Variants in GOSR1 observed in about 807,000 individuals in gnomAD.
GOSR1 encodes 28 kDa Golgi SNARE protein.
A neutral mutation model predicts 35.5 loss-of-function variants in GOSR1; 21 were observed. The ratio of observed to expected loss-of-function variants is 0.59; its 90% CI spans 0.42 to 0.85. The LOEUF is 0.85. Ranked by LOEUF, GOSR1 falls within the 40% of genes least tolerant of loss-of-function variation. The probability of loss-of-function intolerance (pLI) is 0.00; values close to 1 mark genes in which losing one functional copy is unlikely to be tolerated. For missense variants in GOSR1, 285 were observed against 309.6 expected (o/e 0.92, Z 0.60); for synonymous variants, 94 against 106.6 (o/e 0.88, Z 0.73).
intron 1 of GOSR1, chr17:30,478,631 A>G (rs1304859380): frequency 2.1e-5 from 3 of 142,256 alleles, no homozygotes; most frequent in African/African-American, 7.9e-5. Flanking sequence ...ATCTCGGCTC[A>G]CTGCAGCCTC....
chr17:30,514,089 G>A (rs1967712307), intron 7 of GOSR1, among the ~76,000 whole-genome samples: 1 of 152,188 alleles, frequency 6.6e-6, no homozygotes, highest in Non-Finnish European at 1.5e-5. Context: ...ATCACATTTT[G>A]TCATAATCTC....
chr17:30,492,522 C>A (rs79447635), intron 5 of GOSR1, among the ~76,000 whole-genome samples, 157 bp from the exon 6 acceptor site: 1 of 152,202 alleles, frequency 6.6e-6, no homozygotes, highest in Non-Finnish European at 1.5e-5. Flanking sequence ...AAATAGATAA[C>A]ATTTTTCAGA....
chr17:30,477,528 C>G (rs558912657), intron 1 of GOSR1, 64 bp downstream of exon 1: 3 of 1,556,780 alleles, frequency 1.9e-6, no homozygotes, highest in African/African-American at 1.4e-5. Flanking sequence ...GAGGACAGAT[C>G]TTGGGAGAAG....
chr17:30,482,313 T>G (rs578204489), intron 2 of GOSR1, among the ~76,000 whole-genome samples: 143 of 152,296 alleles, frequency 9.4e-4, no homozygotes, highest in African/African-American at 3.3e-3. Flanking sequence ...TTTATGACTA[T>G]CACAGTTTAA....
intron 1 of GOSR1, chr17:30,480,722 C>CTTTTTTTTTG (rs71138892): frequency 7.2e-6 from 1 of 139,756 alleles, no homozygotes; most frequent in Non-Finnish European, 1.5e-5. Flanking sequence ...TTTTATTTTC[C>CTTTTTTTTTG]TTTTTTTGAG....
chr17:30,507,886 T>G (rs1284104431), intron 6 of GOSR1, among the ~76,000 whole-genome samples: 1 of 152,224 alleles, frequency 6.6e-6, no homozygotes, highest in Non-Finnish European at 1.5e-5. Flanking sequence ...GAAGACGCTG[T>G]AAACATTGTT....
intron 4 of GOSR1, among the ~76,000 whole-genome samples, chr17:30,488,289 C>T (rs1914805346): frequency 6.6e-6 from 1 of 150,426 alleles, no homozygotes; most frequent in African/African-American, 2.4e-5. Context: ...CTCAGCCTCC[C>T]GAGTAGCTGG....
chr17:30,515,479 A>G (rs939433264), intron 7 of GOSR1, among the ~76,000 whole-genome samples: 17 of 152,118 alleles, frequency 1.1e-4, no homozygotes, highest in African/African-American at 4.1e-4. Context: ...CCAGACCTCT[A>G]TGTCTCTTCT....
intron 6 of GOSR1, among the ~76,000 whole-genome samples, chr17:30,498,198 C>T (rs1419550835): frequency 6.7e-6 from 1 of 150,090 alleles, no homozygotes; most frequent in Non-Finnish European, 1.5e-5. Flanking sequence ...AGTTGCATTC[C>T]ACCTGTTTCT....
At chr17:30,509,770 C>G (rs1019610100) in intron 6 of GOSR1, among the ~76,000 whole-genome samples, 2 of 151,984 alleles carry the variant, frequency 1.3e-5, no homozygotes, top group African/African-American at 2.4e-5. Context: ...TCTTAAGATT[C>G]TTGAATTCTA....
chr17:30,505,112 G>A (rs1967352564), intron 6 of GOSR1, among the ~76,000 whole-genome samples: 1 of 152,142 alleles, frequency 6.6e-6, no homozygotes, highest in African/African-American at 2.4e-5. Flanking sequence ...ACCACTTAAG[G>A]TATGTAGCTT....
intron 7 of GOSR1, among the ~76,000 whole-genome samples, chr17:30,511,267 G>A (rs1445739413): frequency 6.6e-6 from 1 of 152,196 alleles, no homozygotes; most frequent in South Asian, 2.1e-4. Flanking sequence ...AGACTTTGCT[G>A]TTATAGCACC....
intron 5 of GOSR1, 62 bp downstream of exon 5, chr17:30,490,279 C>CACGGTTAATTGCAAATTGAGTGGCAGA (rs1291786230): frequency 2.5e-6 from 2 of 804,178 alleles, no homozygotes; most frequent in African/African-American, 3.4e-5. Context: ...AGGATATGTT[C>CACGGTTAATTGCAAATTGAGTGGCAGA]ACGGTTAATT....
At chr17:30,495,182 C>T (rs539391148) in intron 6 of GOSR1, among the ~76,000 whole-genome samples, 19 of 83,786 alleles carry the variant, frequency 2.3e-4, no homozygotes, top group African/African-American at 6.8e-4. Context: ...AGCGAGACTC[C>T]GGCTCAAAAA....
chr17:30,500,705 C>T (rs1278578270), intron 6 of GOSR1, among the ~76,000 whole-genome samples: 1 of 152,044 alleles, frequency 6.6e-6, no homozygotes, highest in Non-Finnish European at 1.5e-5. Context: ...ATTTTGACTC[C>T]TCTGGGTCCT....
At chr17:30,491,591 G>GGAGGTTGCAGT (rs1286823805) in intron 5 of GOSR1, among the ~76,000 whole-genome samples, 3 of 152,116 alleles carry the variant, frequency 2.0e-5, no homozygotes. Flanking sequence ...CCTGGGATGT[G>GGAGGTTGCAGT]GAGGTTGCAG....
At chr17:30,513,200 T>G (rs889265312) in intron 7 of GOSR1, among the ~76,000 whole-genome samples, 4 of 152,226 alleles carry the variant, frequency 2.6e-5, no homozygotes, top group Non-Finnish European at 5.9e-5. Context: ...GACATCAACT[T>G]ATTGAAAAGA....
chr17:30,513,329 G>T (rs1437048521), intron 7 of GOSR1, among the ~76,000 whole-genome samples: 1 of 152,126 alleles, frequency 6.6e-6, no homozygotes, highest in Non-Finnish European at 1.5e-5. Context: ...AGGTAAGAAA[G>T]TTGAAGTTCC....
chr17:30,504,516 G>C (rs1336279730), intron 6 of GOSR1, among the ~76,000 whole-genome samples: 2 of 152,146 alleles, frequency 1.3e-5, no homozygotes, highest in Non-Finnish European at 2.9e-5. Flanking sequence ...GCAAAAAGTG[G>C]GAAATAAGTG....
Sources: allele counts gnomAD v4.1 joint callset (sites outside exome capture counted in the v4.1 genomes callset), GRCh38; gene constraint gnomAD v4.1.1; transcripts MANE v1.5; gene names NCBI Gene and HGNC (gene_info 2026-07-23, HGNC 2026-07-21).